Variants in DNAJC6 observed in about 807,000 individuals in gnomAD.
The protein encoded by DNAJC6 is DnaJ heat shock protein family (Hsp40) member C6, also known as auxilin.
In DNAJC6, 34 loss-of-function variants were observed where a neutral mutation model predicts 110.0. That is an observed-to-expected ratio of 0.31 (90% CI 0.24 to 0.41). DNAJC6 has a LOEUF of 0.41. Among genes scored for constraint, DNAJC6 ranks in the 10% least tolerant of loss-of-function variants. DNAJC6 has a pLI of 1.00. For synonymous variants in DNAJC6, 406 were observed against 437.2 expected, an observed-to-expected ratio of 0.93 and a Z score of 0.89; for missense variants, 1,031 against 1,207.8, an observed-to-expected ratio of 0.85 and a Z score of 2.17.
chr1:65,275,570 G>T (rs1257465306), intron 1 of DNAJC6, among the ~76,000 whole-genome samples: 3 of 152,032 alleles, frequency 2.0e-5, no homozygotes, highest in African/African-American at 7.2e-5. Context: ...TATCCTGCTT[G>T]GGGTTTTCAG....
chr1:65,374,820 A>G (rs1391284736), intron 4 of DNAJC6, among the ~76,000 whole-genome samples: 3 of 152,084 alleles, frequency 2.0e-5, no homozygotes, highest in African/African-American at 7.2e-5. Context: ...TATTATGTTG[A>G]ATAATAGTGG....
chr1:65,333,296 A>T (rs974692942), intron 1 of DNAJC6, among the ~76,000 whole-genome samples: 50 of 152,168 alleles, frequency 3.3e-4, no homozygotes, highest in Non-Finnish European at 1.3e-4. Context: ...TTGGTGAAAT[A>T]AATGGACTCG....
chr1:65,360,895 A>G (rs999120300), intron 1 of DNAJC6, among the ~76,000 whole-genome samples: 2 of 152,102 alleles, frequency 1.3e-5, no homozygotes, highest in Non-Finnish European at 2.9e-5. Context: ...TGCCGCTGAG[A>G]GCAGCCAGAT....
At chr1:65,294,712 A>G (rs974236445) in intron 1 of DNAJC6, among the ~76,000 whole-genome samples, 1 of 150,252 alleles carries the variant, frequency 6.7e-6, no homozygotes, top group African/African-American at 2.4e-5. Flanking sequence ...ATAAAGTGTT[A>G]TTAAAATTAA....
intron 1 of DNAJC6, among the ~76,000 whole-genome samples, chr1:65,344,718 G>A (rs1570305402): frequency 1.3e-5 from 2 of 152,182 alleles, no homozygotes; most frequent in South Asian, 4.2e-4. Flanking sequence ...ATGATTTACA[G>A]CGAAATCCAG....
chr1:65,384,608 T>G (rs1371345063), intron 6 of DNAJC6, among the ~76,000 whole-genome samples: 1 of 152,116 alleles, frequency 6.6e-6, no homozygotes, highest in Admixed American at 6.5e-5. Flanking sequence ...GAAGAGAGCG[T>G]GTGCAGGGAA....
intron 4 of DNAJC6, among the ~76,000 whole-genome samples, chr1:65,374,487 T>C (rs1645740643): frequency 6.6e-6 from 1 of 152,088 alleles, no homozygotes. Context: ...CTTGTGTAGA[T>C]CTTTCACTTC....
intron 1 of DNAJC6, among the ~76,000 whole-genome samples, chr1:65,328,167 G>A (rs907549733): frequency 6.6e-6 from 1 of 152,152 alleles, no homozygotes; most frequent in African/African-American, 2.4e-5. Flanking sequence ...ATGTGTATTA[G>A]TCTAAAAATG....
chr1:65,391,567 G>A (rs1367414989), intron 11 of DNAJC6, among the ~76,000 whole-genome samples: 1 of 152,034 alleles, frequency 6.6e-6, no homozygotes, highest in East Asian at 1.9e-4. Context: ...GTTAGAGAAG[G>A]GATTTGCTTT....
intron 1 of DNAJC6, chr1:65,279,179 T>C: frequency 2.0e-6 from 2 of 985,042 alleles, no homozygotes; most frequent in Non-Finnish European, 2.4e-6. Context: ...GGTTTAAATT[T>C]AGAATAACAT....
upstream of DNAJC6, among the ~76,000 whole-genome samples, chr1:65,305,388 C>A (rs1371933098): frequency 6.6e-6 from 1 of 152,216 alleles, no homozygotes; most frequent in Non-Finnish European, 1.5e-5. Context: ...TACACACACT[C>A]ATACATATCA....
At chr1:65,407,145 C>T (rs1646084829) in intron 16 of DNAJC6, among the ~76,000 whole-genome samples, 2 of 152,196 alleles carry the variant, frequency 1.3e-5, no homozygotes, top group Non-Finnish European at 2.9e-5. Flanking sequence ...AAACCTCGCA[C>T]TGTCTTACTC....
chr1:65,342,455 C>T (rs144384236), intron 1 of DNAJC6, among the ~76,000 whole-genome samples: 13 of 152,234 alleles, frequency 8.5e-5, no homozygotes, highest in South Asian at 2.1e-4. Context: ...TGGCCTTCTA[C>T]GAATAAAGAA....
At chr1:65,284,390 G>A (rs1653947068) in intron 1 of DNAJC6, among the ~76,000 whole-genome samples, 2 of 152,182 alleles carry the variant, frequency 1.3e-5, no homozygotes, top group African/African-American at 4.8e-5. Flanking sequence ...CCAGGGTAGG[G>A]ATTTATCAGA....
Position 65,364,729 on chromosome 1 carries a change from C to A in DNAJC6, c.288C>A (p.Asp96Glu). The A allele has an allele frequency of 6.2e-7, 1 of 1,612,320 alleles. No individual in the cohort carries two copies. The highest frequency in any genetic ancestry group is 8.5e-7 in the Non-Finnish European group (1 of 1,179,522). ...GGAGGCTCTTTAGTAACCTAAAGGA[C>A]AACTTGAAAGACACCCTCAAAGACA... ...GAGRLFSNLK[D>E]NLKDTLKDTS... is the part of the protein sequence containing the mutation. The change falls in exon 2 of 19, where the codon GAC becomes GAA. Residue 96 changes from aspartate (D) to glutamate (E), a missense_variant. Physicochemically the swap from Asp to Glu is conservative, Grantham distance 45 (BLOSUM62 2). Coordinates refer to ENST00000371069, the MANE Select transcript of DNAJC6 (RefSeq NM_001256864.2).
upstream of DNAJC6, among the ~76,000 whole-genome samples, chr1:65,308,124 C>A (rs1237030190): frequency 2.0e-5 from 3 of 152,172 alleles, no homozygotes; most frequent in African/African-American, 7.2e-5. Flanking sequence ...TTCCCGGAAA[C>A]TTTCTGAGAC....
chr1:65,408,634 A>G lies in DNAJC6; in HGVS notation c.2492-7A>G, dbSNP rs1348338079. ...AACTGTAATGATTTTCAAAAATTAT[A>G]TTGCAGAAGGGAAACAAAAAGCAGC... On this transcript the variant is annotated splice_polypyrimidine_tract_variant and splice_region_variant and intron_variant, in intron 16 of 18. Coordinates refer to ENST00000371069, the MANE Select transcript of DNAJC6 (RefSeq NM_001256864.2). The G allele has an allele frequency of 1.2e-6, 2 of 1,600,852 alleles. No homozygotes were observed. Among genetic ancestry groups the G allele is most frequent in the South Asian group, 1.1e-5 (1 of 88,994 alleles).
At chr1:65,350,655 T>G (rs2101517578) in intron 1 of DNAJC6, among the ~76,000 whole-genome samples, 1 of 152,334 alleles carries the variant, frequency 6.6e-6, no homozygotes, top group Non-Finnish European at 1.5e-5. Context: ...TAGGCTTGAT[T>G]TTATTCTTTG....
chr1:65,279,689 C>T (rs1653783678), intron 1 of DNAJC6: 1 of 152,072 alleles, frequency 6.6e-6, no homozygotes, highest in South Asian at 2.1e-4. Context: ...GTTTCTTCTG[C>T]CTGAAATACA....
Sources: allele counts gnomAD v4.1 joint callset (sites outside exome capture counted in the v4.1 genomes callset), GRCh38; gene constraint gnomAD v4.1.1; transcripts MANE v1.5; gene names NCBI Gene and HGNC (gene_info 2026-07-23, HGNC 2026-07-21).